Variants in LPCAT2 observed in about 807,000 individuals in gnomAD.
LPCAT2 encodes 1-AGP acyltransferase 11.
In LPCAT2, 58 loss-of-function variants were observed where a neutral mutation model predicts 64.7. The observed-to-expected ratio is 0.90, with a 90% CI of 0.73 to 1.12. The LOEUF (loss-of-function observed/expected upper bound fraction) is 1.12, where lower values mean the gene tolerates loss of function less well. LPCAT2 is among the 50% of genes most tolerant of loss of function. LPCAT2 has a pLI of 0.00. For missense variants in LPCAT2, 579 were observed against 669.8 expected, an observed-to-expected ratio of 0.86 and a Z score of 1.50; for synonymous variants, 252 against 245.3, an observed-to-expected ratio of 1.03 and a Z score of -0.26.
At position 55,527,477 on chromosome 16, in the gene LPCAT2, CT is replaced by C. The variant is rs1178959990; in HGVS notation, c.312-899del. ...CCTGGGCACCAGAGCAAAACTCCAT[CT>C]CAAAAAAAAAAAAAAAAAAGCTCTC... On this transcript the variant is annotated intron_variant, in intron 2 of 13. Coordinates refer to ENST00000262134, the MANE Select transcript of LPCAT2 (RefSeq NM_017839.5). Among the ~76,000 whole-genome samples, 4 of 130,494 alleles carry C rather than the reference CT, an allele frequency of 3.1e-5. No homozygotes were observed. In the East Asian group the frequency reaches 7.1e-4, roughly 23 times the overall value. The allele number at this position is 130,494 out of a possible 152,430, so 85.6% of individuals were successfully genotyped here. A position where few individuals can be genotyped will look rare whatever the true frequency, so the allele number is the denominator to read the frequency against.
Position 55,579,090 on chromosome 16 carries a change from T to TA in LPCAT2, c.1315-18dup. ...CTATGATCCTGAGGGAGCTAATTCT[T>TA]ACATTTTATTTTCTTCAGCTGTTTG... On this transcript the variant is annotated intron_variant, in intron 12 of 13. Transcript: ENST00000262134. 1 of 1,610,940 alleles carries TA rather than the reference T, an allele frequency of 6.2e-7. No individual in the cohort carries two copies. Among genetic ancestry groups the TA allele is most frequent in the South Asian group, 1.1e-5 (1 of 90,600 alleles).
intron 11 of LPCAT2, among the ~76,000 whole-genome samples, chr16:55,568,476 G>C (rs1249438201): frequency 6.6e-6 from 1 of 152,178 alleles, no homozygotes; most frequent in Non-Finnish European, 1.5e-5. Flanking sequence ...AACCAATATA[G>C]AGAACACATA....
chr16:55,528,541 G>T lies in LPCAT2; in HGVS notation c.476G>T (p.Gly159Val), dbSNP rs1963205633. The T allele has an allele frequency of 6.2e-7, 1 of 1,613,826 alleles. No individual in the cohort carries two copies. Among genetic ancestry groups the T allele is most frequent in the Non-Finnish European group, 8.5e-7 (1 of 1,179,914 alleles). Reference protein sequence around the residue: ...FFDGIACVVAGLPSMVSRNEN... With the variant: ...FFDGIACVVAVLPSMVSRNEN... ...GATGGAATTGCCTGTGTTGTAGCTG[G>T]GTTACCTTCTATGGTATCTCGAAAT... is the stretch of plus-strand genomic sequence containing the variant. The change falls in exon 3 of 14, where the codon GGG becomes GTG. Residue 159 changes from glycine to valine, a missense_variant. Coordinates refer to ENST00000262134, the MANE Select transcript of LPCAT2 (RefSeq NM_017839.5).
At chr16:55,519,436 G>A (rs1432839347) in intron 1 of LPCAT2, among the ~76,000 whole-genome samples, 1 of 151,266 alleles carries the variant, frequency 6.6e-6, no homozygotes, top group Non-Finnish European at 1.5e-5. Flanking sequence ...GTGAACCTGG[G>A]AGGCGGAGAT....
chr16:55,584,309 A>C lies in LPCAT2; in HGVS notation c.*1211A>C, dbSNP rs1963921235. 1 of 152,164 alleles carries C rather than the reference A, an allele frequency of 6.6e-6. No homozygotes were observed. The highest frequency in any genetic ancestry group is 6.5e-5 in the Admixed American group (1 of 15,272). 9.4% of individuals were successfully genotyped at this position (152,164 alleles called of 1,614,324 possible). On this transcript the variant is annotated 3_prime_UTR_variant, in exon 14 of 14. Coordinates refer to ENST00000262134, the MANE Select transcript of LPCAT2 (RefSeq NM_017839.5). ...TCTCAAATTTTAGAACTTGTGTGAA[A>C]TATCTCCCAGAAAACACAAAAGGTT...
chr16:55,537,504 G>C, intron 7 of LPCAT2, 74 bp from the exon 8 acceptor site: 1 of 1,198,312 alleles, frequency 8.3e-7, no homozygotes, highest in Non-Finnish European at 1.2e-6. Context: ...TGTGTATAAA[G>C]AAATGATTGT....
Position 55,579,246 on chromosome 16 carries a change from T to C in LPCAT2, c.1450+2T>C, listed in dbSNP as rs1282133446. 2 of 1,611,716 alleles carry C rather than the reference T, an allele frequency of 1.2e-6. No homozygotes were observed. The highest frequency in any genetic ancestry group is 2.2e-5 in the South Asian group (2 of 90,712). On this transcript the variant is annotated splice_donor_variant, in intron 13 of 13. Transcript: ENST00000262134. LOFTEE classifies it high-confidence loss of function. ...CCCAAGGGGACTCAATTTCCTATGG[T>C]GAGTAGGCAATCTGGCCTCCTGACT...
At chr16:55,554,876 A>C (rs1376867932) in intron 11 of LPCAT2, among the ~76,000 whole-genome samples, 1 of 152,110 alleles carries the variant, frequency 6.6e-6, no homozygotes, top group Non-Finnish European at 1.5e-5. Flanking sequence ...AACAGGGAGG[A>C]TCAAGGAGAG....
chr16:55,575,301 G>A (rs1963815187), intron 12 of LPCAT2, among the ~76,000 whole-genome samples: 2 of 152,090 alleles, frequency 1.3e-5, no homozygotes, highest in African/African-American at 4.8e-5. Flanking sequence ...TCATGTCCCT[G>A]GTTCCCACAG....
chr16:55,524,222 C>T (rs1327429020), intron 1 of LPCAT2, among the ~76,000 whole-genome samples: 1 of 151,782 alleles, frequency 6.6e-6, no homozygotes, highest in Non-Finnish European at 1.5e-5. Flanking sequence ...GTCATATGGT[C>T]ACATAGTGAA....
chr16:55,560,811 A>T (rs561938457), intron 11 of LPCAT2, among the ~76,000 whole-genome samples: 16 of 152,152 alleles, frequency 1.1e-4, no homozygotes, highest in Non-Finnish European at 2.1e-4. Flanking sequence ...TTAAAAAATA[A>T]TTCTCTTGAG....
At chr16:55,516,059 A>G (rs879709183) in intron 1 of LPCAT2, among the ~76,000 whole-genome samples, 3 of 152,236 alleles carry the variant, frequency 2.0e-5, no homozygotes, top group Non-Finnish European at 4.4e-5. Flanking sequence ...CACAGAATTG[A>G]TAAAAATACC....
intron 8 of LPCAT2, among the ~76,000 whole-genome samples, chr16:55,542,416 T>G (rs546206116): frequency 6.6e-6 from 1 of 152,224 alleles, no homozygotes; most frequent in Admixed American, 6.5e-5. Context: ...ACATAAGCTG[T>G]CTTCTTTATA....
chr16:55,567,464 G>A, intron 11 of LPCAT2: 2 of 1,613,754 alleles, frequency 1.2e-6, no homozygotes, highest in Admixed American at 1.7e-5. Context: ...TGATTCAAGT[G>A]TCTATCAAAG....
intron 1 of LPCAT2, among the ~76,000 whole-genome samples, chr16:55,524,510 T>C (rs1483505101): frequency 1.3e-5 from 2 of 151,984 alleles, no homozygotes; most frequent in African/African-American, 4.8e-5. Context: ...CAAAGCTCAT[T>C]GAATTGTATA....
Position 55,550,937 on chromosome 16 carries a change from T to C in LPCAT2, c.1062-12T>C. ...GCTAATAACATGTATCTATAATTCTTTGTTTGTTTAGATTAGATTGGGATG... is the reference window on the plus strand; with the variant it reads ...GCTAATAACATGTATCTATAATTCTCTGTTTGTTTAGATTAGATTGGGATG... On this transcript the variant is annotated splice_polypyrimidine_tract_variant and intron_variant, in intron 10 of 13. Coordinates refer to ENST00000262134, the MANE Select transcript of LPCAT2 (RefSeq NM_017839.5). 6.4e-7 allele frequency: 1 copy of C among 1,558,552 alleles called. No homozygotes were observed. The highest frequency in any genetic ancestry group is 8.7e-7 in the Non-Finnish European group (1 of 1,144,448).
chr16:55,549,329 A>T lies in LPCAT2; in HGVS notation c.988A>T (p.Ile330Phe), dbSNP rs1288737396. 1 of 1,605,176 alleles carries T rather than the reference A, an allele frequency of 6.2e-7. No individual in the cohort carries two copies. Among genetic ancestry groups the T allele is most frequent in the East Asian group, 2.3e-5 (1 of 44,254 alleles). Residue 330 changes from isoleucine to phenylalanine, a missense_variant, in exon 10 of 14, where the codon ATT becomes TTT. Transcript: ENST00000262134. The part of the protein sequence containing the change: ...DHTYEDCRLM[I>F]SAGQLTLPME... Reference sequence around the variant, plus strand: ...TACCTATGAAGACTGCAGATTGATGATTTCAGCAGGACAGCTAACATTGCC... The same window carrying T: ...TACCTATGAAGACTGCAGATTGATGTTTTCAGCAGGACAGCTAACATTGCC...
chr16:55,534,820 T>C (rs1963303507), intron 7 of LPCAT2, among the ~76,000 whole-genome samples: 1 of 152,202 alleles, frequency 6.6e-6, no homozygotes, highest in African/African-American at 2.4e-5. Context: ...TGGCATTATC[T>C]AGTGTCTCTA....
intron 1 of LPCAT2, among the ~76,000 whole-genome samples, chr16:55,523,661 C>A (rs904815079): frequency 5.3e-5 from 8 of 151,438 alleles, no homozygotes; most frequent in Non-Finnish European, 1.2e-4. Flanking sequence ...GTGATCAAGC[C>A]AGATATAAAA....
Sources: gnomAD v4.1 joint callset for allele counts (sites outside exome capture counted in the v4.1 genomes callset) on GRCh38, gnomAD v4.1.1 for gene constraint, MANE v1.5 for transcripts, NCBI Gene and HGNC (gene_info 2026-07-23, HGNC 2026-07-21) for gene names.